Variants in CDK14 observed in about 807,000 individuals in gnomAD.
The protein encoded by CDK14 is cyclin dependent kinase 14.
Under a neutral mutation model 60.7 loss-of-function variants are expected in CDK14, and 34 were observed. The ratio of observed to expected loss-of-function variants is 0.56; its 90% CI spans 0.43 to 0.75. CDK14 has a LOEUF of 0.75. Ranked by LOEUF, CDK14 falls within the 30% of genes least tolerant of loss-of-function variation. The pLI is 0.00. For missense variants in CDK14, 482 were observed against 564.1 expected, an observed-to-expected ratio of 0.85 and a Z score of 1.47; for synonymous variants, 197 against 203.7, an observed-to-expected ratio of 0.97 and a Z score of 0.28.
intron 2 of CDK14, among the ~76,000 whole-genome samples, chr7:90,661,651 G>A (rs1001702772): frequency 2.0e-5 from 3 of 152,148 alleles, no homozygotes; most frequent in South Asian, 2.1e-4. Flanking sequence ...GTCATCTGGT[G>A]ACTAGTTTTT....
chr7:90,795,899 C>T (rs773485521), intron 5 of CDK14, among the ~76,000 whole-genome samples: 1 of 152,172 alleles, frequency 6.6e-6, no homozygotes, highest in Non-Finnish European at 1.5e-5. Context: ...GTGTGACAAG[C>T]AGGCCCATCA....
At chr7:90,905,232 C>T (rs1053112997) in intron 7 of CDK14, among the ~76,000 whole-genome samples, 11 of 152,080 alleles carry the variant, frequency 7.2e-5, no homozygotes, top group Admixed American at 3.3e-4. Context: ...TAGAAGTCTC[C>T]AGGAGAGATT....
intron 10 of CDK14, among the ~76,000 whole-genome samples, chr7:91,024,840 T>C (rs1449585610): frequency 6.6e-6 from 1 of 152,170 alleles, no homozygotes; most frequent in African/African-American, 2.4e-5. Flanking sequence ...GCTAAGTCTA[T>C]TTGATAGGTT....
At chr7:90,777,880 T>A (rs1805116630) in intron 4 of CDK14, among the ~76,000 whole-genome samples, 1 of 152,218 alleles carries the variant, frequency 6.6e-6, no homozygotes, top group Non-Finnish European at 1.5e-5. Context: ...CCTTTTGTTT[T>A]TAACCATTTG....
chr7:91,032,526 G>A (rs947269063), intron 10 of CDK14, among the ~76,000 whole-genome samples: 8 of 152,180 alleles, frequency 5.3e-5, no homozygotes, highest in Admixed American at 4.6e-4. Flanking sequence ...AGTCATTGAT[G>A]TTCTTATAAA....
intron 4 of CDK14, among the ~76,000 whole-genome samples, chr7:90,786,249 T>C (rs1167994050): frequency 6.6e-6 from 1 of 152,208 alleles, no homozygotes; most frequent in Non-Finnish European, 1.5e-5. Flanking sequence ...TGTGGTAATA[T>C]TAGCACAATT....
At chr7:90,874,686 GC>G (rs1184548150) in intron 6 of CDK14, among the ~76,000 whole-genome samples, 10 of 149,704 alleles carry the variant, frequency 6.7e-5, no homozygotes, top group African/African-American at 2.2e-4. Flanking sequence ...CCGCCACCGT[GC>G]CCGGCTAATT....
intron 5 of CDK14, among the ~76,000 whole-genome samples, chr7:90,846,255 T>C (rs1790466850): frequency 6.6e-6 from 1 of 152,176 alleles, no homozygotes; most frequent in African/African-American, 2.4e-5. Flanking sequence ...ACTATAAGGT[T>C]CCACACTTGG....
At chr7:90,621,100 T>C (rs1280996240) in intron 2 of CDK14, among the ~76,000 whole-genome samples, 2 of 152,208 alleles carry the variant, frequency 1.3e-5, no homozygotes, top group Non-Finnish European at 2.9e-5. Flanking sequence ...CGTTCACATA[T>C]GTCACATCTA....
intron 5 of CDK14, among the ~76,000 whole-genome samples, chr7:90,851,687 C>T (rs1790649525): frequency 6.6e-6 from 1 of 152,054 alleles, no homozygotes; most frequent in Non-Finnish European, 1.5e-5. Context: ...TTTGACAGTG[C>T]GTACAGAGAT....
chr7:90,639,517 G>A (rs879753283), intron 2 of CDK14, among the ~76,000 whole-genome samples: 1 of 152,038 alleles, frequency 6.6e-6, no homozygotes, highest in Non-Finnish European at 1.5e-5. Context: ...ACCTGGCCGT[G>A]TGAGGTGTCA....
At chr7:90,972,142 A>AT (rs1320483864) in intron 9 of CDK14, among the ~76,000 whole-genome samples, 1 of 152,176 alleles carries the variant, frequency 6.6e-6, no homozygotes, top group Non-Finnish European at 1.5e-5. Context: ...TGAATCAAAT[A>AT]TTTTCTAAGA....
At chr7:90,659,837 T>TTCTCTCTC (rs58582287) in intron 2 of CDK14, among the ~76,000 whole-genome samples, 2,678 of 110,018 alleles carry the variant, frequency 0.024, 35 homozygotes, top group East Asian at 0.068. Context: ...CAGGGAATGC[T>TTCTCTCTC]TCTCTCTCTC....
intron 12 of CDK14, among the ~76,000 whole-genome samples, chr7:91,096,509 C>T (rs554922869): frequency 4.1e-4 from 62 of 152,182 alleles, no homozygotes; most frequent in African/African-American, 1.4e-3. Context: ...CCCAGTTAAG[C>T]TTCTCCCAGA....
intron 2 of CDK14, among the ~76,000 whole-genome samples, chr7:90,725,321 C>T (rs964450034): frequency 1.3e-5 from 2 of 152,106 alleles, no homozygotes; most frequent in Non-Finnish European, 2.9e-5. Flanking sequence ...ATACTTTTCA[C>T]CATGCTCATA....
At chr7:91,060,115 A>C (rs1331621660) in intron 11 of CDK14, among the ~76,000 whole-genome samples, 1 of 152,148 alleles carries the variant, frequency 6.6e-6, no homozygotes, top group Non-Finnish European at 1.5e-5. Context: ...TATTTAGGAT[A>C]GTTAGCTCTT....
At chr7:91,187,836 C>G (rs1264016781) in intron 14 of CDK14, among the ~76,000 whole-genome samples, 1 of 152,210 alleles carries the variant, frequency 6.6e-6, no homozygotes, top group Non-Finnish European at 1.5e-5. Flanking sequence ...CTGGTCACCC[C>G]ACCATAATCT....
chr7:90,849,272 G>T (rs541866782), intron 5 of CDK14, among the ~76,000 whole-genome samples: 1 of 151,898 alleles, frequency 6.6e-6, no homozygotes, highest in Non-Finnish European at 1.5e-5. Context: ...TATGCTGCTC[G>T]CTCTTCACCT....
At chr7:90,840,297 A>C (rs745892040) in intron 5 of CDK14, among the ~76,000 whole-genome samples, 3 of 152,200 alleles carry the variant, frequency 2.0e-5, no homozygotes, top group Admixed American at 6.5e-5. Context: ...TCCAGAACCA[A>C]GGACTGAGTG....
Sources: gnomAD v4.1 joint callset for allele counts (sites outside exome capture counted in the v4.1 genomes callset) on GRCh38, gnomAD v4.1.1 for gene constraint, MANE v1.5 for transcripts, NCBI Gene and HGNC (gene_info 2026-07-23, HGNC 2026-07-21) for gene names.